Variants in WDR33 observed in about 807,000 individuals in gnomAD.
WDR33 encodes the protein WD repeat domain 33, also known as pre-mRNA 3' end processing protein WDR33.
A neutral mutation model predicts 164.9 loss-of-function variants in WDR33; 47 were observed. That is an observed-to-expected ratio of 0.29 (90% CI 0.23 to 0.36). The LOEUF (loss-of-function observed/expected upper bound fraction) is 0.36. Ranked by LOEUF, WDR33 falls within the 10% of genes least tolerant of loss-of-function variation. The pLI is 1.00. For missense variants in WDR33, 1,137 were observed against 1,754.1 expected, an observed-to-expected ratio of 0.65 and a Z score of 6.28; for synonymous variants, 505 against 589.0, an observed-to-expected ratio of 0.86 and a Z score of 2.06.
At position 127,769,003 on chromosome 2, in the gene WDR33, T is replaced by C; in HGVS notation, c.205-2A>G. ...CTGGTCTCTTTGCCATATTCTGTTC[T>C]GTTAAATAAATAAATAAATAAATAA... On this transcript the variant is annotated splice_acceptor_variant, in intron 2 of 21. Transcript: ENST00000322313. LOFTEE classifies it high-confidence loss of function. 1 of 1,201,354 alleles carries C rather than the reference T, an allele frequency of 8.3e-7. No individual in the cohort carries two copies. The highest frequency in any genetic ancestry group is 1.7e-5 in the South Asian group (1 of 59,146). 74.4% of individuals were successfully genotyped at this position (1,201,354 alleles called of 1,614,324 possible).
rs1450310390 is a variant in WDR33 at position 127,701,924 on chromosome 2, C to T, written c.*4399G>A. 4 of 1,440,208 alleles carry T rather than the reference C, an allele frequency of 2.8e-6. No homozygotes were observed. The highest frequency in any genetic ancestry group is 1.3e-5 in the South Asian group (1 of 74,178). 89.2% of individuals were successfully genotyped at this position (1,440,208 alleles called of 1,614,324 possible). ...CGCTGCTGCGGGGCGGCGCGGCGTG[C>T]GGACGCCTGCTGCGCTGCGAAGAAG... On this transcript the variant is annotated 3_prime_UTR_variant, in exon 22 of 22. Transcript: ENST00000322313.
At chr2:127,707,422 C>T (rs574417873) in intron 21 of WDR33, among the ~76,000 whole-genome samples, 1 of 152,230 alleles carries the variant, frequency 6.6e-6, no homozygotes, top group African/African-American at 2.4e-5. Context: ...TTAGGAGAGC[C>T]AGCCAAAGGA....
chr2:127,773,697 C>A lies in WDR33; in HGVS notation c.-23-2693G>T, dbSNP rs1688086721. The stretch of plus-strand genomic sequence containing the variant: ...CCATGAATCCAATTAAGTTTCAGCA[C>A]CCCAATTTCAATTACCAGCTTCAAT... On this transcript the variant is annotated intron_variant, in intron 1 of 21. Coordinates refer to ENST00000322313, the MANE Select transcript of WDR33 (RefSeq NM_018383.5). Among the ~76,000 whole-genome samples, 3 of 152,288 alleles carry A rather than the reference C, an allele frequency of 2.0e-5. No individual in the cohort carries two copies. The South Asian group carries it at 6.2e-4, about 32-fold the overall frequency.
intron 7 of WDR33, among the ~76,000 whole-genome samples, chr2:127,743,911 A>AGTT (rs1687096554): frequency 1.3e-5 from 2 of 152,230 alleles, no homozygotes; most frequent in Admixed American, 1.3e-4. Context: ...TGAAATTCTG[A>AGTT]TGACCACAAG....
Position 127,718,461 on chromosome 2 carries a change from C to T in WDR33, c.2760+804G>A, listed in dbSNP as rs2105379107. ...AAATGCACATAGCTGAGCAGTATTA[C>T]ATCTATTTATGCTCATGCAATTCTT... On this transcript the variant is annotated intron_variant, in intron 16 of 21. Coordinates refer to ENST00000322313, the MANE Select transcript of WDR33 (RefSeq NM_018383.5). The surrounding 1 kb of genome is among the most constrained non-coding windows in gnomAD (Gnocchi z 4.4). 6.6e-6 allele frequency among the ~76,000 whole-genome samples: 1 copy of T among 152,126 alleles called. No individual in the cohort carries two copies.
At position 127,717,339 on chromosome 2, in the gene WDR33, G is replaced by T. The variant is rs527361011; in HGVS notation, c.2761-76C>A. 35 of 1,242,428 alleles carry T rather than the reference G, an allele frequency of 2.8e-5. No homozygotes were observed. The highest frequency in any genetic ancestry group is 4.4e-4 in the Middle Eastern group (2 of 4,542). The allele number at this position is 1,242,428 out of a possible 1,614,324, so 77.0% of individuals were successfully genotyped here. Reference sequence around the variant, plus strand: ...ATAAATAGTGATTGCATTATAACATGACAAGATAAAAATACCCAGTAAATA... The same window carrying T: ...ATAAATAGTGATTGCATTATAACATTACAAGATAAAAATACCCAGTAAATA... On this transcript the variant is annotated intron_variant, in intron 16 of 21. Transcript: ENST00000322313. The surrounding 1 kb of genome is among the most constrained non-coding windows in gnomAD (Gnocchi z 5.6).
intron 1 of WDR33, among the ~76,000 whole-genome samples, chr2:127,783,874 G>A (rs1436012068): frequency 6.6e-6 from 1 of 151,682 alleles, no homozygotes; most frequent in Non-Finnish European, 1.5e-5. Context: ...CCAAAATGCT[G>A]GGATTACAAG....
chr2:127,755,934 T>C (rs1687504191), intron 7 of WDR33, among the ~76,000 whole-genome samples: 1 of 152,182 alleles, frequency 6.6e-6, no homozygotes, highest in Non-Finnish European at 1.5e-5. Flanking sequence ...ATACTTACAA[T>C]TTCCATTCGT....
rs757417096 is a variant in WDR33 at position 127,701,793 on chromosome 2, C to T, written c.*4530G>A. On this transcript the variant is annotated 3_prime_UTR_variant, in exon 22 of 22. Transcript: ENST00000322313. ...CGGCGGGTGCCTGCTGCTGGCTGCA[C>T]TGTGTTTCGGCCTAGCCGCGCTCTA... 5 of 1,451,378 alleles carry T rather than the reference C, an allele frequency of 3.4e-6. No homozygotes were observed. The South Asian group carries it at 5.2e-5, about 15-fold the overall frequency. The allele number at this position is 1,451,378 out of a possible 1,614,324, so 89.9% of individuals were successfully genotyped here. A position where few individuals can be genotyped will look rare whatever the true frequency, so the allele number is the denominator to read the frequency against.
intron 18 of WDR33, among the ~76,000 whole-genome samples, chr2:127,711,776 A>ATTTTTTTTTTTTTTTTT (rs1284723078): frequency 2.1e-4 from 20 of 94,068 alleles, no homozygotes; most frequent in African/African-American, 7.5e-4. Flanking sequence ...ATATATATAT[A>ATTTTTTTTTTTTTTTTT]TATATTTTTT....
At position 127,724,551 on chromosome 2, in the gene WDR33, CTGGACT is replaced by C; in HGVS notation, c.1086-114_1086-109del. The C allele has an allele frequency of 1.0e-6, 1 of 969,324 alleles. No individual in the cohort carries two copies. Among genetic ancestry groups the C allele is most frequent in the Non-Finnish European group, 1.6e-6 (1 of 629,154 alleles). 60.0% of individuals were successfully genotyped at this position (969,324 alleles called of 1,614,324 possible). On this transcript the variant is annotated intron_variant, in intron 10 of 21. Coordinates refer to ENST00000322313, the MANE Select transcript of WDR33 (RefSeq NM_018383.5). This position sits in a 1 kb window ranked among gnomAD's most constrained non-coding sequence, Gnocchi z 4.8. ...ACTCTTAAAATGAAGCTACCAAAGCCTGGACTTGGACTCTGGTGAATTCCACATGTC... is the reference window on the plus strand; with the variant it reads ...ACTCTTAAAATGAAGCTACCAAAGCCTGGACTCTGGTGAATTCCACATGTC...
chr2:127,776,080 G>T (rs571350087), intron 1 of WDR33, among the ~76,000 whole-genome samples: 3 of 152,282 alleles, frequency 2.0e-5, no homozygotes, highest in South Asian at 4.1e-4. Flanking sequence ...ATTCACAAAT[G>T]TAAGTCCTAA....
At chr2:127,785,096 A>G (rs1447173603) in intron 1 of WDR33, among the ~76,000 whole-genome samples, 1 of 152,174 alleles carries the variant, frequency 6.6e-6, no homozygotes, top group African/African-American at 2.4e-5. Flanking sequence ...TTCAAAAAAA[A>G]TATTTGTCGT....
intron 1 of WDR33, among the ~76,000 whole-genome samples, chr2:127,772,877 C>A (rs1039732870): frequency 6.6e-6 from 1 of 151,174 alleles, no homozygotes; most frequent in African/African-American, 2.4e-5. Context: ...TATCCCAGCA[C>A]TTTGGGGGGC....
chr2:127,721,412 T>TA lies in WDR33; in HGVS notation c.1671+423_1671+424insT, dbSNP rs1686435680. The stretch of plus-strand genomic sequence containing the variant: ...TGTAAGCCACCACGCCTGACCCTAA[T>TA]TGGGTTTTAAAAGTCCAAGATATGA... On this transcript the variant is annotated intron_variant, in intron 15 of 21. Coordinates refer to ENST00000322313, the MANE Select transcript of WDR33 (RefSeq NM_018383.5). The surrounding 1 kb of genome is among the most constrained non-coding windows in gnomAD (Gnocchi z 4.9). Among the ~76,000 whole-genome samples the TA allele has an allele frequency of 6.6e-6, 1 of 152,104 alleles. No homozygotes were observed. The highest frequency in any genetic ancestry group is 1.9e-4 in the East Asian group (1 of 5,194).
intron 1 of WDR33, among the ~76,000 whole-genome samples, chr2:127,774,356 A>C (rs995621697): frequency 6.6e-6 from 1 of 152,066 alleles, no homozygotes; most frequent in African/African-American, 2.4e-5. Flanking sequence ...CTGGCCCAAA[A>C]GCATATTTTA....
In WDR33 at chr2:127,726,644, C is replaced by T; in HGVS notation, c.851+7G>A. The T allele has an allele frequency of 6.2e-7, 1 of 1,613,892 alleles. No individual in the cohort carries two copies. Among genetic ancestry groups the T allele is most frequent in the Non-Finnish European group, 8.5e-7 (1 of 1,179,910 alleles). The stretch of plus-strand genomic sequence containing the variant: ...TCAGGGGCCAAGGTGGGGTTCCTGT[C>T]ACTTACAGTGTTGCAAGACTCTGCC... On this transcript the variant is annotated splice_region_variant and intron_variant, in intron 8 of 21. Transcript: ENST00000322313. The surrounding 1 kb of genome is among the most constrained non-coding windows in gnomAD (Gnocchi z 4.8).
In WDR33 at chr2:127,701,894, A is replaced by C. The variant is rs1485059755; in HGVS notation, c.*4429T>G. Reference sequence around the variant, plus strand: ...TGGGCTCGGCGCTGGCGTTGGCGGGAAGCGCGCTGCTGCGGGGCGGCGCGG... The same window carrying C: ...TGGGCTCGGCGCTGGCGTTGGCGGGCAGCGCGCTGCTGCGGGGCGGCGCGG... On this transcript the variant is annotated 3_prime_UTR_variant, in exon 22 of 22. Coordinates refer to ENST00000322313, the MANE Select transcript of WDR33 (RefSeq NM_018383.5). 13 of 1,456,328 alleles carry C rather than the reference A, an allele frequency of 8.9e-6. No individual in the cohort carries two copies. Among genetic ancestry groups the C allele is most frequent in the African/African-American group, 1.5e-5 (1 of 67,274 alleles). 90.2% of individuals were successfully genotyped at this position (1,456,328 alleles called of 1,614,324 possible).
At chr2:127,790,877 A>C (rs1236169491) in intron 1 of WDR33, among the ~76,000 whole-genome samples, 1 of 152,110 alleles carries the variant, frequency 6.6e-6, no homozygotes, top group Non-Finnish European at 1.5e-5. Flanking sequence ...ATTTCTCTTA[A>C]GTCATCAAAT....
Sources: allele counts gnomAD v4.1 joint callset (sites outside exome capture counted in the v4.1 genomes callset), GRCh38; gene constraint gnomAD v4.1.1; non-coding constraint Gnocchi (gnomAD v3.1); transcripts MANE v1.5; gene names NCBI Gene and HGNC (gene_info 2026-07-23, HGNC 2026-07-21).